Variants in SLC14A2 observed in about 807,000 individuals in gnomAD.
The protein encoded by SLC14A2 is urea transporter 2.
SLC14A2 carries 91 observed loss-of-function variants against 104.6 expected under a neutral mutation model. That is an observed-to-expected ratio of 0.87 (90% CI 0.73 to 1.04). SLC14A2 has a LOEUF of 1.04. Ranked by LOEUF, SLC14A2 falls within the 50% of genes least tolerant of loss-of-function variation. The probability of loss-of-function intolerance (pLI) is 0.00; values close to 1 mark genes in which losing one functional copy is unlikely to be tolerated. For missense variants in SLC14A2, 1,189 were observed against 1,156.0 expected (o/e 1.03, Z -0.41); for synonymous variants, 476 against 466.4 (o/e 1.02, Z -0.27).
chr18:45,330,807 T>G (rs1204451393), intron 1 of SLC14A2, among the ~76,000 whole-genome samples: 5 of 152,202 alleles, frequency 3.3e-5, no homozygotes, highest in Non-Finnish European at 7.3e-5. Context: ...GATCAAGTCT[T>G]TCATTGACAC....
At chr18:45,519,890 C>T (rs1036172299) in intron 2 of SLC14A2, among the ~76,000 whole-genome samples, 2 of 152,166 alleles carry the variant, frequency 1.3e-5, no homozygotes, top group African/African-American at 4.8e-5. Context: ...GACTCCTACA[C>T]TAGGAATTAA....
intron 1 of SLC14A2, among the ~76,000 whole-genome samples, chr18:45,241,639 C>CTTTTTTTTTTTTT (rs370878349): frequency 3.4e-5 from 4 of 118,042 alleles, no homozygotes; most frequent in Admixed American, 8.9e-5. Context: ...TTTCTTTTCT[C>CTTTTTTTTTTTTT]TTTTTTTTTT....
rs796286941 is a variant in SLC14A2, at chr18:45,253,519, CAA to C, written c.-125+40342_-125+40343del. On this transcript the variant is annotated intron_variant, in intron 1 of 20. Transcript: ENST00000586448. ...TACAACTTTAAAAGTCAAATGACTGCAAAAAAAAAAAAAAATCTTAATTTGAA... is the reference window on the plus strand; with the variant it reads ...TACAACTTTAAAAGTCAAATGACTGCAAAAAAAAAAAAATCTTAATTTGAA... Among the ~76,000 whole-genome samples the C allele has an allele frequency of 2.8e-3, 369 of 130,778 alleles. 1 individual carries two copies. The highest frequency in any genetic ancestry group is 9.5e-3 in the African/African-American group (339 of 35,638). 85.8% of individuals were successfully genotyped at this position (130,778 alleles called of 152,430 possible).
At chr18:45,266,629 G>T (rs1037930315) in intron 1 of SLC14A2, among the ~76,000 whole-genome samples, 1 of 152,254 alleles carries the variant, frequency 6.6e-6, no homozygotes, top group Admixed American at 6.5e-5. Flanking sequence ...CCATAATGCT[G>T]TGAAAATCTC....
chr18:45,611,143 T>A (rs992951193), upstream of SLC14A2, among the ~76,000 whole-genome samples: 8 of 152,088 alleles, frequency 5.3e-5, no homozygotes, highest in Admixed American at 5.2e-4. Context: ...ACCAGCCTCC[T>A]CCCATTCCAA....
intron 1 of SLC14A2, among the ~76,000 whole-genome samples, chr18:45,372,050 G>T (rs896513877): frequency 6.6e-6 from 1 of 152,114 alleles, no homozygotes; most frequent in Non-Finnish European, 1.5e-5. Context: ...AGTGGCTCAC[G>T]CCTGTAACCC....
At chr18:45,448,732 G>A (rs1431178971) in intron 1 of SLC14A2, among the ~76,000 whole-genome samples, 3 of 152,150 alleles carry the variant, frequency 2.0e-5, no homozygotes, top group African/African-American at 7.2e-5. Flanking sequence ...CTGGCTTGCA[G>A]CATCTTCATT....
chr18:45,439,869 T>A (rs2086655529), intron 1 of SLC14A2, among the ~76,000 whole-genome samples: 1 of 152,190 alleles, frequency 6.6e-6, no homozygotes, highest in South Asian at 2.1e-4. Context: ...TCCCTCAGGC[T>A]CTACCCTGCA....
chr18:45,397,739 T>C (rs1182077521), intron 1 of SLC14A2, among the ~76,000 whole-genome samples: 1 of 152,124 alleles, frequency 6.6e-6, no homozygotes, highest in Non-Finnish European at 1.5e-5. Context: ...ATTTGAATCC[T>C]GACTCTGCCA....
chr18:45,443,131 A>G (rs997113021), intron 1 of SLC14A2, among the ~76,000 whole-genome samples: 10 of 152,208 alleles, frequency 6.6e-5, no homozygotes, highest in Admixed American at 2.0e-4. Flanking sequence ...ATTAGTTGGC[A>G]GTGTAGGTTC....
chr18:45,168,285 C>T, the SLC14A2 span, among the ~76,000 whole-genome samples: 1 of 152,110 alleles, frequency 6.6e-6, no homozygotes, highest in Non-Finnish European at 1.5e-5. Flanking sequence ...CTAAATTGCT[C>T]CTGAGGGAAA....
chr18:45,267,823 G>T (rs1421992663), intron 1 of SLC14A2, among the ~76,000 whole-genome samples: 1 of 152,144 alleles, frequency 6.6e-6, no homozygotes, highest in Non-Finnish European at 1.5e-5. Context: ...CAATGACTGT[G>T]ATGGAAACTG....
intron 1 of SLC14A2, among the ~76,000 whole-genome samples, chr18:45,619,519 GT>G (rs2045130302): frequency 6.6e-6 from 1 of 152,212 alleles, no homozygotes; most frequent in Admixed American, 6.5e-5. Flanking sequence ...TTGAGGCCTG[GT>G]TTTTGGAGAG....
the SLC14A2 span, among the ~76,000 whole-genome samples, chr18:45,203,997 A>T: frequency 6.6e-6 from 1 of 152,206 alleles, no homozygotes; most frequent in Non-Finnish European, 1.5e-5. Context: ...AATATTAATA[A>T]TTCACATTTT....
intron 2 of SLC14A2, among the ~76,000 whole-genome samples, chr18:45,558,189 C>T (rs1230666400): frequency 2.0e-5 from 3 of 152,148 alleles, no homozygotes; most frequent in Admixed American, 6.5e-5. Flanking sequence ...TTTCTCTCTC[C>T]TTTGTCCTTC....
upstream of SLC14A2, among the ~76,000 whole-genome samples, chr18:45,210,657 A>G (rs1444121054): frequency 1.3e-5 from 2 of 152,240 alleles, no homozygotes; most frequent in Non-Finnish European, 2.9e-5. Flanking sequence ...TCATCTAAGT[A>G]CAGCATCATG....
intron 1 of SLC14A2, among the ~76,000 whole-genome samples, chr18:45,312,199 T>C (rs1025891480): frequency 6.6e-6 from 1 of 152,198 alleles, no homozygotes; most frequent in East Asian, 1.9e-4. Context: ...TACACATACA[T>C]AGCACTTAAC....
chr18:45,238,842 T>C (rs2084282841), intron 1 of SLC14A2, among the ~76,000 whole-genome samples: 1 of 152,192 alleles, frequency 6.6e-6, no homozygotes, highest in Admixed American at 6.5e-5. Context: ...TGATTTTGTT[T>C]GTTTTTTATT....
At chr18:45,211,938 T>C (rs986841431), upstream of SLC14A2, among the ~76,000 whole-genome samples, 1 of 152,214 alleles carries the variant, frequency 6.6e-6, no homozygotes, top group Non-Finnish European at 1.5e-5. Context: ...TGCTAATGTA[T>C]TTTTAGGTAA....
Sources: gnomAD v4.1 joint callset for allele counts (sites outside exome capture counted in the v4.1 genomes callset) on GRCh38, gnomAD v4.1.1 for gene constraint, MANE v1.5 for transcripts, NCBI Gene and HGNC (gene_info 2026-07-23, HGNC 2026-07-21) for gene names.